The following SLC9A9 variants were observed in gnomAD, a reference collection of about 807,000 sequenced individuals.
The protein encoded by SLC9A9 is sodium/hydrogen exchanger 9.
Under a neutral mutation model 77.8 loss-of-function variants are expected in SLC9A9, and 62 were observed. That is an observed-to-expected ratio of 0.80 (90% confidence interval 0.65 to 0.98). SLC9A9 has a LOEUF of 0.98. SLC9A9 is among the 50% of genes least tolerant of loss of function. The probability of loss-of-function intolerance (pLI) is 0.00; values close to 1 mark genes in which losing one functional copy is unlikely to be tolerated. For missense variants in SLC9A9, 775 were observed against 774.9 expected (o/e 1.00, Z 0.00); for synonymous variants, 320 against 283.5 (o/e 1.13, Z -1.29).
At chr3:143,323,708 T>C (rs2031490432) in intron 14 of SLC9A9, among the ~76,000 whole-genome samples, 1 of 152,178 alleles carries the variant, frequency 6.6e-6, no homozygotes, top group South Asian at 2.1e-4. Context: ...ACTCAAGTGA[T>C]GAACACCTAA....
intron 6 of SLC9A9, among the ~76,000 whole-genome samples, chr3:143,581,188 G>C (rs995738511): frequency 6.6e-6 from 1 of 152,188 alleles, no homozygotes; most frequent in African/African-American, 2.4e-5. Flanking sequence ...GATGGGGAGA[G>C]AGTATTCCAG....
At chr3:143,640,265 C>A (rs1171843596) in intron 6 of SLC9A9, among the ~76,000 whole-genome samples, 1 of 152,096 alleles carries the variant, frequency 6.6e-6, no homozygotes, top group East Asian at 1.9e-4. Context: ...TTGTGATCCA[C>A]CCGCCTTGGC....
intron 13 of SLC9A9, among the ~76,000 whole-genome samples, chr3:143,370,569 A>ACACG (rs1559886404): frequency 1.1e-3 from 96 of 87,640 alleles, no homozygotes; most frequent in African/African-American, 5.3e-3. Flanking sequence ...ATGTGCGCGC[A>ACACG]CACACACACA....
chr3:143,331,698 AT>A, intron 14 of SLC9A9, among the ~76,000 whole-genome samples: 1 of 152,364 alleles, frequency 6.6e-6, no homozygotes, highest in East Asian at 1.9e-4. Flanking sequence ...AAGCGATAGT[AT>A]CTGCCACCAA....
At chr3:143,602,217 T>G (rs1279924089) in intron 6 of SLC9A9, among the ~76,000 whole-genome samples, 1 of 152,238 alleles carries the variant, frequency 6.6e-6, no homozygotes, top group African/African-American at 2.4e-5. Flanking sequence ...CACATTGTTT[T>G]GGCATGTCCA....
chr3:143,664,279 C>T (rs1433766914), intron 5 of SLC9A9, among the ~76,000 whole-genome samples: 3 of 152,298 alleles, frequency 2.0e-5, no homozygotes, highest in Non-Finnish European at 2.9e-5. Flanking sequence ...CAAGCAAATG[C>T]TGAGAGGTTT....
intron 4 of SLC9A9, among the ~76,000 whole-genome samples, chr3:143,733,500 G>T (rs904082121): frequency 6.6e-6 from 1 of 152,052 alleles, no homozygotes; most frequent in African/African-American, 2.4e-5. Flanking sequence ...TTGTTTTCTA[G>T]GTGGACCCCA....
intron 1 of SLC9A9, chr3:143,847,455 G>A (rs1266699290): frequency 6.6e-6 from 1 of 152,190 alleles, no homozygotes; most frequent in Admixed American, 6.5e-5. Flanking sequence ...AATACTGCAG[G>A]TGTTAAATAT....
chr3:143,306,845 TCTC>T (rs1160028904), intron 14 of SLC9A9, among the ~76,000 whole-genome samples: 1 of 152,226 alleles, frequency 6.6e-6, no homozygotes, highest in African/African-American at 2.4e-5. Flanking sequence ...TATTTTCTCT[TCTC>T]AGCCCTGTCT....
At chr3:143,652,197 A>T in intron 6 of SLC9A9, 58 bp downstream of exon 6, 1 of 1,332,096 alleles carries the variant, frequency 7.5e-7, no homozygotes, top group African/African-American at 1.4e-5. Flanking sequence ...GAGAAAAGAT[A>T]CAAGTGAAAG....
intron 11 of SLC9A9, among the ~76,000 whole-genome samples, chr3:143,479,335 C>T (rs2035534536): frequency 1.3e-5 from 2 of 152,088 alleles, no homozygotes; most frequent in South Asian, 2.1e-4. Context: ...CAGCCTCCCA[C>T]TCCTGGGTTC....
At chr3:143,710,119 G>A (rs1437552768) in intron 4 of SLC9A9, among the ~76,000 whole-genome samples, 1 of 152,148 alleles carries the variant, frequency 6.6e-6, no homozygotes, top group Non-Finnish European at 1.5e-5. Flanking sequence ...CAACTCAGAA[G>A]CTCTAACTGG....
intron 2 of SLC9A9, among the ~76,000 whole-genome samples, chr3:143,797,334 A>C (rs1164208521): frequency 6.6e-6 from 1 of 152,182 alleles, no homozygotes; most frequent in Non-Finnish European, 1.5e-5. Flanking sequence ...GGAAGAACAC[A>C]CTTGAACTTG....
At chr3:143,716,302 G>A (rs1934349798) in intron 4 of SLC9A9, among the ~76,000 whole-genome samples, 1 of 151,998 alleles carries the variant, frequency 6.6e-6, no homozygotes, top group Non-Finnish European at 1.5e-5. Context: ...TCAGACTCCT[G>A]GGCTCAAGCA....
chr3:143,597,025 C>T (rs1375782892), intron 6 of SLC9A9, among the ~76,000 whole-genome samples: 2 of 152,108 alleles, frequency 1.3e-5, no homozygotes, highest in Non-Finnish European at 2.9e-5. Flanking sequence ...TGTTCCTCTT[C>T]ACTTACCTTC....
intron 14 of SLC9A9, among the ~76,000 whole-genome samples, chr3:143,287,375 A>G (rs1054262298): frequency 3.3e-5 from 5 of 152,206 alleles, no homozygotes; most frequent in Non-Finnish European, 7.3e-5. Flanking sequence ...TAGACATCAA[A>G]AAGTGCTATG....
intron 12 of SLC9A9, among the ~76,000 whole-genome samples, chr3:143,429,078 T>A (rs1447787952): frequency 1.3e-5 from 2 of 152,236 alleles, no homozygotes; most frequent in Non-Finnish European, 2.9e-5. Context: ...TGATAAATGT[T>A]AAAGTGATAT....
Position 143,562,861 on chromosome 3 carries a change from C to T in SLC9A9, c.1001-10411G>A, listed in dbSNP as rs146503168. Among the ~76,000 whole-genome samples, 276 of 151,718 alleles carry T rather than the reference C, an allele frequency of 1.8e-3. 1 individual carries two copies. The highest frequency in any genetic ancestry group is 6.3e-3 in the African/African-American group (261 of 41,368). ...TCAACTACATACATCTGGGTCCATG[C>T]GGAGTGGGTCATGCTCAAAAATATC... On this transcript the variant is annotated intron_variant, in intron 8 of 15. Coordinates refer to ENST00000316549, the MANE Select transcript of SLC9A9 (RefSeq NM_173653.4).
At chr3:143,333,021 A>G (rs943052460) in intron 14 of SLC9A9, among the ~76,000 whole-genome samples, 1 of 152,242 alleles carries the variant, frequency 6.6e-6, no homozygotes, top group African/African-American at 2.4e-5. Context: ...ACAACTGCCA[A>G]TACATCTACT....
Sources: allele counts gnomAD v4.1 joint callset (sites outside exome capture counted in the v4.1 genomes callset), GRCh38; gene constraint gnomAD v4.1.1; transcripts MANE v1.5; gene names NCBI Gene and HGNC (gene_info 2026-07-23, HGNC 2026-07-21).